Variants in GPR84 observed in about 807,000 individuals in gnomAD.
GPR84 encodes the protein G protein-coupled receptor 84.
Under a neutral mutation model 14.9 loss-of-function variants are expected in GPR84, and 8 were observed. The ratio of observed to expected loss-of-function variants is 0.54; its 90% confidence interval spans 0.31 to 0.97. GPR84 has a LOEUF of 0.97. GPR84 is among the 50% of genes least tolerant of loss of function. The pLI, the probability that GPR84 is intolerant of heterozygous loss-of-function variation, is 0.04. For missense variants in GPR84, 424 were observed against 498.7 expected (o/e 0.85, Z 1.43); for synonymous variants, 164 against 198.1 (o/e 0.83, Z 1.45).
downstream of GPR84, among the ~76,000 whole-genome samples, chr12:54,357,807 G>A (rs990199020): frequency 6.6e-6 from 1 of 152,168 alleles, no homozygotes; most frequent in African/African-American, 2.4e-5. Context: ...AGGGGACAGG[G>A]GGGAAATGGG....
intron 1 of GPR84, 82 bp from the exon 2 acceptor site, chr12:54,363,941 T>C: frequency 1.1e-6 from 1 of 894,890 alleles, no homozygotes. Context: ...TCTGGGACCC[T>C]GGACATCTAA....
At chr12:54,353,668 C>T in the GPR84 span, 1 of 152,424 alleles carries the variant, frequency 6.6e-6, no homozygotes, top group Non-Finnish European at 1.5e-5. Flanking sequence ...GCTATGTAAA[C>T]TCCAGCTCCT....
At chr12:54,352,607 G>C in the GPR84 span, among the ~76,000 whole-genome samples, 1 of 152,148 alleles carries the variant, frequency 6.6e-6, no homozygotes, top group Non-Finnish European at 1.5e-5. Context: ...TGCAATTCCA[G>C]GATTAAGCAA....
rs762058977 is a variant in GPR84 at position 54,363,595 on chromosome 12, C to T, written c.257G>A (p.Trp86Ter). The stretch of plus-strand genomic sequence containing the variant: ...CCTGCAGAAGGTGGCACCGGTGCGC[C>T]AGTGCAGGTGGAGGTAGGTGTCCAC... ...FSVDTYLHLH[W>*]RTGATFCRVF... is the part of the protein sequence containing the mutation. Residue 86 changes from tryptophan to a stop codon, truncating the protein, a stop_gained, in exon 2 of 2, where the codon TGG becomes TAG. Coordinates refer to ENST00000267015, the MANE Select transcript of GPR84 (RefSeq NM_020370.3). LOFTEE classifies it high-confidence loss of function. 2.5e-6 allele frequency: 4 copies of T among 1,614,050 alleles called. No homozygotes were observed. The highest frequency in any genetic ancestry group is 2.5e-6 in the Non-Finnish European group (3 of 1,179,964).
At chr12:54,359,219 G>T (rs1954242527), downstream of GPR84, among the ~76,000 whole-genome samples, 2 of 152,194 alleles carry the variant, frequency 1.3e-5, no homozygotes. Flanking sequence ...CCATAAATCA[G>T]GGCCAAGGTG....
In GPR84 at chr12:54,362,753, G is replaced by A. The variant is rs1954283607; in HGVS notation, c.1099C>T (p.Pro367Ser). 1 of 1,614,032 alleles carries A rather than the reference G, an allele frequency of 6.2e-7. No homozygotes were observed. Among genetic ancestry groups the A allele is most frequent in the Non-Finnish European group, 8.5e-7 (1 of 1,180,024 alleles). Reference sequence around the variant, plus strand: ...CGGTTCATGGCTGCATAGAGCACAGGGTTGATGCAACCATTGAGCCAGGTG... The same window carrying A: ...CGGTTCATGGCTGCATAGAGCACAGAGTTGATGCAACCATTGAGCCAGGTG... ...NLTWLNGCIN[P>S]VLYAAMNRQF... The change falls in exon 2 of 2, where the codon CCT becomes TCT. Residue 367 changes from proline (P) to serine (S), a missense_variant. Coordinates refer to ENST00000267015, the MANE Select transcript of GPR84 (RefSeq NM_020370.3). This position sits in a 1 kb window ranked among gnomAD's most constrained non-coding sequence, Gnocchi z 4.0.
chr12:54,363,283 C>A lies in GPR84; in HGVS notation c.569G>T (p.Gly190Val). 6.2e-7 allele frequency: 1 copy of A among 1,614,140 alleles called. No homozygotes were observed. The highest frequency in any genetic ancestry group is 8.5e-7 in the Non-Finnish European group (1 of 1,180,030). Residue 190 changes from glycine to valine, a missense_variant, in exon 2 of 2, where the codon GGG becomes GTG. By Grantham distance (109) the Gly-to-Val change is moderately radical. Transcript: ENST00000267015. Reference sequence around the variant, plus strand: ...ATAGAAGATGCCAACACTGCTGAGCCCAAGCACAAAGTAGATGCCCATGAG... The same window carrying A: ...ATAGAAGATGCCAACACTGCTGAGCACAAGCACAAAGTAGATGCCCATGAG... Reference protein sequence around the residue: ...TILMGIYFVLGLSSVGIFYCL... With the variant: ...TILMGIYFVLVLSSVGIFYCL...
At chr12:54,364,110 T>C (rs1019198069) in intron 1 of GPR84, 1 of 401,542 alleles carries the variant, frequency 2.5e-6, no homozygotes, top group African/African-American at 2.0e-5. Context: ...CTAAATATCT[T>C]AGTCTTATTC....
chr12:54,350,830 C>T, the GPR84 span: 1 of 426,878 alleles, frequency 2.3e-6, no homozygotes, highest in African/African-American at 2.0e-5. Context: ...TTTGTAAATT[C>T]TGTGCCCTTT....
chr12:54,360,710 T>C (rs185938698), downstream of GPR84, among the ~76,000 whole-genome samples: 29 of 152,280 alleles, frequency 1.9e-4, no homozygotes, highest in East Asian at 5.2e-3. Context: ...TCTTCAGATT[T>C]TACTTTGTTC....
the GPR84 span, among the ~76,000 whole-genome samples, chr12:54,355,179 CAAA>C: frequency 2.6e-5 from 4 of 151,974 alleles, no homozygotes; most frequent in Non-Finnish European, 5.9e-5. Context: ...ATGAGAGACA[CAAA>C]GAAGGAAGGC....
the GPR84 span, among the ~76,000 whole-genome samples, chr12:54,353,021 A>G: frequency 6.6e-6 from 1 of 152,148 alleles, no homozygotes. Context: ...GGTGGTGGTG[A>G]TCTGTGATGG....
At chr12:54,360,198 C>A (rs1444523935), downstream of GPR84, among the ~76,000 whole-genome samples, 4 of 152,116 alleles carry the variant, frequency 2.6e-5, no homozygotes, top group East Asian at 3.8e-4. Flanking sequence ...CACGGTCTTA[C>A]AACGTACTAG....
chr12:54,352,361 C>A, the GPR84 span, among the ~76,000 whole-genome samples: 5 of 152,176 alleles, frequency 3.3e-5, no homozygotes, highest in South Asian at 2.1e-4. Context: ...CACCTTTATT[C>A]GCACAAATGA....
At chr12:54,354,291 A>AT in the GPR84 span, among the ~76,000 whole-genome samples, 1 of 150,418 alleles carries the variant, frequency 6.6e-6, no homozygotes, top group Non-Finnish European at 1.5e-5. Flanking sequence ...AACTTTTTGT[A>AT]TTTTTTATAG....
At chr12:54,355,720 C>T in the GPR84 span, among the ~76,000 whole-genome samples, 1 of 152,102 alleles carries the variant, frequency 6.6e-6, no homozygotes, top group South Asian at 2.1e-4. Flanking sequence ...CTGCCTGGGG[C>T]CTGGGTCAGA....
chr12:54,354,116 C>CTT, the GPR84 span, among the ~76,000 whole-genome samples: 4 of 141,476 alleles, frequency 2.8e-5, no homozygotes, highest in Admixed American at 7.0e-5. Flanking sequence ...TTTCTCTTTT[C>CTT]TTTTTTTTTT....
In GPR84 at chr12:54,363,421, G is replaced by A. The variant is rs780397952; in HGVS notation, c.431C>T (p.Thr144Ile). Residue 144 changes from threonine (T) to isoleucine (I), a missense_variant, in exon 2 of 2, where the codon ACC becomes ATC. Transcript: ENST00000267015. ...AAAGCTGGCCACGCCCACAACCCAGGTGCTCACCAGTGCCAGCACTATCCC... is the reference window on the plus strand; with the variant it reads ...AAAGCTGGCCACGCCCACAACCCAGATGCTCACCAGTGCCAGCACTATCCC... The part of the protein sequence containing the change: ...AKGIVLALVS[T>I]WVVGVASFAP... The A allele has an allele frequency of 6.2e-7, 1 of 1,614,040 alleles. No individual in the cohort carries two copies. Among genetic ancestry groups the A allele is most frequent in the Admixed American group, 1.7e-5 (1 of 59,994 alleles).
At position 54,363,199 on chromosome 12, in the gene GPR84, C is replaced by T. The variant is rs140774381; in HGVS notation, c.653G>A (p.Arg218Gln). Residue 218 changes from arginine (R) to glutamine (Q), a missense_variant, in exon 2 of 2, where the codon CGA becomes CAA. Transcript: ENST00000267015. ...ATGGTTGGAGTGGATGCTTGCCTGT[C>T]GCAACTTGTATTGGTCCAGTGCCTG... ...AAQALDQYKLRQASIHSNHVA... is the reference protein window; with the variant it reads ...AAQALDQYKLQQASIHSNHVA... The T allele has an allele frequency of 7.8e-5, 126 of 1,614,180 alleles. No homozygotes were observed. The African/African-American group carries it at 1.0e-3, about 13-fold the overall frequency.
Sources: allele counts gnomAD v4.1 joint callset (sites outside exome capture counted in the v4.1 genomes callset), GRCh38; gene constraint gnomAD v4.1.1; non-coding constraint Gnocchi (gnomAD v3.1); transcripts MANE v1.5; gene names NCBI Gene and HGNC (gene_info 2026-07-23, HGNC 2026-07-21).